DMXL2: variants seen among roughly 807,000 people sequenced by gnomAD.
The protein encoded by DMXL2 is dmX-like protein 2.
A neutral mutation model predicts 331.1 loss-of-function variants in DMXL2; 103 were observed. The observed-to-expected ratio is 0.31, with a 90% CI of 0.27 to 0.37. The LOEUF is 0.37. DMXL2 is among the 10% of genes least tolerant of loss of function. The pLI, the probability that DMXL2 is intolerant of heterozygous loss-of-function variation, is 1.00. For synonymous variants in DMXL2, 1,281 were observed against 1,252.1 expected (o/e 1.02, Z -0.49); for missense variants, 3,171 against 3,642.9 (o/e 0.87, Z 3.33).
chr15:51,536,704 T>G lies in DMXL2; in HGVS notation c.1776A>C (p.Ser592=), dbSNP rs1458649487. Residue 592 remains serine, a synonymous_variant, in exon 12 of 44, where the codon TCA becomes TCC. Coordinates refer to ENST00000560891, the MANE Select transcript of DMXL2 (RefSeq NM_001378457.1). ...TACTGTGGGATCTAGAGTGTGGCTGTGATCCGTGAGGACTGCCTACAGACA... is the reference window on the plus strand; with the variant it reads ...TACTGTGGGATCTAGAGTGTGGCTGGGATCCGTGAGGACTGCCTACAGACA... ...EGMSVGSPHG[S]QPHSRSHSTH... 2 of 1,614,088 alleles carry G rather than the reference T, an allele frequency of 1.2e-6. No homozygotes were observed. The highest frequency in any genetic ancestry group is 1.7e-6 in the Non-Finnish European group (2 of 1,179,976).
At chr15:51,620,383 G>GA (rs1317011255) in intron 1 of DMXL2, among the ~76,000 whole-genome samples, 1 of 152,176 alleles carries the variant, frequency 6.6e-6, no homozygotes, top group African/African-American at 2.4e-5. Context: ...GTCGAATTTG[G>GA]AAACCCAAAA....
rs2054734105 is a variant in DMXL2, at chr15:51,622,641, C to T, written c.-96G>A. On this transcript the variant is annotated 5_prime_UTR_variant, in exon 1 of 44. Transcript: ENST00000560891. ...CGAGAGCCGTTTCCCTCTGTGCCTC[C>T]CTCGGAAACCCGCCCCGCGGAGGCT... 7.6e-6 allele frequency: 11 copies of T among 1,451,400 alleles called. No individual in the cohort carries two copies. Among genetic ancestry groups the T allele is most frequent in the Admixed American group, 2.6e-5 (1 of 38,000 alleles). The allele number at this position is 1,451,400 out of a possible 1,614,324, so 89.9% of individuals were successfully genotyped here.
At position 51,544,200 on chromosome 15, in the gene DMXL2, T is replaced by A. The variant is rs1419476152; in HGVS notation, c.930+1383A>T. 3.3e-5 allele frequency among the ~76,000 whole-genome samples: 5 copies of A among 152,154 alleles called. No homozygotes were observed. In the East Asian group the frequency reaches 7.7e-4, roughly 23 times the overall value. Reference sequence around the variant, plus strand: ...GAATTGTAATCCCCAATGTTGGAGGTAGAGCCTGGTGGGAGCTGTTTGGGT... The same window carrying A: ...GAATTGTAATCCCCAATGTTGGAGGAAGAGCCTGGTGGGAGCTGTTTGGGT... On this transcript the variant is annotated intron_variant, in intron 8 of 43. Coordinates refer to ENST00000560891, the MANE Select transcript of DMXL2 (RefSeq NM_001378457.1).
intron 1 of DMXL2, among the ~76,000 whole-genome samples, chr15:51,618,589 C>T (rs565128230): frequency 2.6e-5 from 4 of 151,942 alleles, no homozygotes; most frequent in East Asian, 1.9e-4. Context: ...ATACCAGGTA[C>T]GTTTTCCTGA....
At chr15:51,592,639 A>G (rs960346044) in intron 1 of DMXL2, among the ~76,000 whole-genome samples, 1 of 152,264 alleles carries the variant, frequency 6.6e-6, no homozygotes, top group African/African-American at 2.4e-5. Context: ...GTTGAAATGA[A>G]GGAAAAAATG....
intron 1 of DMXL2, among the ~76,000 whole-genome samples, chr15:51,593,440 A>T (rs1460008319): frequency 6.6e-6 from 1 of 152,214 alleles, no homozygotes; most frequent in African/African-American, 2.4e-5. Flanking sequence ...CTAGAAAGAG[A>T]CTTAGACTCC....
intron 42 of DMXL2, 34 bp downstream of exon 42, chr15:51,451,611 G>T (rs761831349): frequency 6.5e-7 from 1 of 1,530,864 alleles, no homozygotes; most frequent in South Asian, 1.1e-5. Flanking sequence ...ATTCCTTCAT[G>T]GTATATTTTT....
intron 15 of DMXL2, among the ~76,000 whole-genome samples, chr15:51,512,312 A>G (rs1158585948): frequency 6.6e-6 from 1 of 152,168 alleles, no homozygotes; most frequent in Non-Finnish European, 1.5e-5. Context: ...CAATATGTAA[A>G]CTTTGTTTGG....
intron 36 of DMXL2, chr15:51,457,773 CAAAT>C (rs2039766620): frequency 4.3e-6 from 1 of 230,746 alleles, no homozygotes; most frequent in East Asian, 1.0e-4. Flanking sequence ...AGCTCAGTAT[CAAAT>C]TAACACGTTT....
intron 1 of DMXL2, among the ~76,000 whole-genome samples, chr15:51,591,744 G>A (rs1432120372): frequency 2.0e-5 from 3 of 151,936 alleles, no homozygotes; most frequent in Non-Finnish European, 4.4e-5. Context: ...CCAGAGGAAC[G>A]ATCCGCTGTT....
chr15:51,463,867 C>T (rs2040340127), intron 32 of DMXL2, among the ~76,000 whole-genome samples: 1 of 151,874 alleles, frequency 6.6e-6, no homozygotes, highest in Admixed American at 6.6e-5. Context: ...AACAGCCTAA[C>T]AAGCTAAAAA....
chr15:51,591,301 G>A (rs190086417), intron 1 of DMXL2, among the ~76,000 whole-genome samples: 6 of 152,314 alleles, frequency 3.9e-5, no homozygotes, highest in South Asian at 2.1e-4. Context: ...CGCCTGGCTC[G>A]GAGGGTCCTA....
intron 13 of DMXL2, among the ~76,000 whole-genome samples, chr15:51,527,028 G>A (rs893367518): frequency 3.3e-5 from 5 of 152,140 alleles, no homozygotes; most frequent in Admixed American, 3.3e-4. Context: ...ATCAATATCC[G>A]AGTACAAGAA....
intron 2 of DMXL2, among the ~76,000 whole-genome samples, chr15:51,571,738 T>C (rs866140376): frequency 6.6e-6 from 1 of 152,022 alleles, no homozygotes; most frequent in Non-Finnish European, 1.5e-5. Context: ...CTGAAACCAA[T>C]GAGAACAAAG....
intron 1 of DMXL2, among the ~76,000 whole-genome samples, chr15:51,587,661 T>C (rs1049803489): frequency 1.3e-5 from 2 of 152,238 alleles, no homozygotes; most frequent in African/African-American, 4.8e-5. Flanking sequence ...CAGCATGATT[T>C]ATAAACCTTT....
chr15:51,449,221 T>A, intron 43 of DMXL2, 28 bp from the exon 44 acceptor site: 1 of 1,610,658 alleles, frequency 6.2e-7, no homozygotes, highest in Non-Finnish European at 8.5e-7. Context: ...GAGTTAAAAA[T>A]ATATTACGAA....
At chr15:51,591,617 G>A (rs1595658536) in intron 1 of DMXL2, among the ~76,000 whole-genome samples, 1 of 152,182 alleles carries the variant, frequency 6.6e-6, no homozygotes, top group Non-Finnish European at 1.5e-5. Flanking sequence ...ATCTGAGAAC[G>A]GACAGACTGC....
intron 1 of DMXL2, among the ~76,000 whole-genome samples, chr15:51,600,651 AAC>A (rs2053163170): frequency 6.6e-6 from 1 of 152,182 alleles, no homozygotes; most frequent in African/African-American, 2.4e-5. Flanking sequence ...TCACCTGACC[AAC>A]ACACCTGAAC....
chr15:51,518,668 C>T (rs906732931), intron 13 of DMXL2, among the ~76,000 whole-genome samples: 3 of 152,180 alleles, frequency 2.0e-5, no homozygotes, highest in African/African-American at 7.2e-5. Flanking sequence ...ATCAATGATG[C>T]TTAGGTCCCA....
Sources: allele counts gnomAD v4.1 joint callset (sites outside exome capture counted in the v4.1 genomes callset), GRCh38; gene constraint gnomAD v4.1.1; transcripts MANE v1.5; gene names NCBI Gene and HGNC (gene_info 2026-07-23, HGNC 2026-07-21).